ZMYND8: variants seen among roughly 807,000 people sequenced by gnomAD.
The protein encoded by ZMYND8 is zinc finger MYND-type containing 8.
In ZMYND8, 37 loss-of-function variants were observed where a neutral mutation model predicts 140.8. That is an observed-to-expected ratio of 0.26 (90% CI 0.20 to 0.35). ZMYND8 has a LOEUF of 0.35. ZMYND8 is among the 10% of genes least tolerant of loss of function. The pLI is 1.00. For missense variants in ZMYND8, 1,068 were observed against 1,570.0 expected (o/e 0.68, Z 5.40); for synonymous variants, 592 against 597.1 (o/e 0.99, Z 0.12).
At chr20:47,240,933 G>A (rs944879763) in intron 14 of ZMYND8, among the ~76,000 whole-genome samples, 1 of 152,072 alleles carries the variant, frequency 6.6e-6, no homozygotes, top group Non-Finnish European at 1.5e-5. Context: ...TCAGCCTCCC[G>A]AATAGCTGGG....
At chr20:47,258,855 T>C (rs1210472862) in intron 12 of ZMYND8, among the ~76,000 whole-genome samples, 1 of 152,112 alleles carries the variant, frequency 6.6e-6, no homozygotes, top group African/African-American at 2.4e-5. Context: ...TAGCTGATCC[T>C]CTTCCCGTTA....
intron 14 of ZMYND8, among the ~76,000 whole-genome samples, chr20:47,240,800 C>T (rs1489282281): frequency 2.6e-5 from 4 of 151,526 alleles, no homozygotes; most frequent in East Asian, 2.1e-4. Flanking sequence ...ATGATCCATC[C>T]GCCTTGGCCT....
intron 3 of ZMYND8, among the ~76,000 whole-genome samples, chr20:47,306,025 G>A (rs1247714081): frequency 6.6e-6 from 1 of 152,082 alleles, no homozygotes; most frequent in East Asian, 1.9e-4. Flanking sequence ...TGGACCAAAG[G>A]TCTTTTAAAA....
chr20:47,321,987 A>G (rs1273589058), intron 2 of ZMYND8, among the ~76,000 whole-genome samples: 1 of 151,350 alleles, frequency 6.6e-6, no homozygotes, highest in Non-Finnish European at 1.5e-5. Flanking sequence ...CAGCCTCCCA[A>G]GTAGCTAGGA....
intron 11 of ZMYND8, among the ~76,000 whole-genome samples, chr20:47,275,124 C>G (rs2076180693): frequency 6.6e-6 from 1 of 152,182 alleles, no homozygotes; most frequent in Non-Finnish European, 1.5e-5. Context: ...TCCAAGACAT[C>G]TTAAACTGAC....
chr20:47,322,520 G>A lies in ZMYND8; in HGVS notation c.86-12316C>T, dbSNP rs1015398904. Among the ~76,000 whole-genome samples, 4 of 146,302 alleles carry A rather than the reference G, an allele frequency of 2.7e-5. No homozygotes were observed. The South Asian group carries it at 8.6e-4, about 31-fold the overall frequency. On this transcript the variant is annotated intron_variant, in intron 2 of 22. Coordinates refer to ENST00000471951, the MANE Select transcript of ZMYND8 (RefSeq NM_001281775.3). The stretch of plus-strand genomic sequence containing the variant: ...CAGTGGCGCGATCTTGGCTCACTGC[G>A]ACCTCCGCCTCCTGGGTTCAAGTGA...
At chr20:47,274,374 A>C (rs2076134967) in intron 11 of ZMYND8, among the ~76,000 whole-genome samples, 1 of 152,244 alleles carries the variant, frequency 6.6e-6, no homozygotes, top group Admixed American at 6.5e-5. Context: ...GTATGTAATA[A>C]AATACGGCAG....
chr20:47,284,789 G>A (rs752582137), intron 8 of ZMYND8, among the ~76,000 whole-genome samples: 1 of 152,062 alleles, frequency 6.6e-6, no homozygotes, highest in Non-Finnish European at 1.5e-5. Flanking sequence ...TAGAGCCAAA[G>A]ATCCCAGAAG....
In ZMYND8 at chr20:47,290,227, A is replaced by G; in HGVS notation, c.708T>C (p.Asp236=). Residue 236 remains aspartate, a synonymous_variant, in exon 7 of 23, where the codon GAT becomes GAC. Transcript: ENST00000471951. The part of the protein sequence containing the change: ...MYGCTEAFLA[D]AKWILHNCII... ...TGCAGTTGTGCAAAATCCACTTTGCATCAGCCAGGAAGGCTTCTGTGCAGC... is the reference window on the plus strand; with the variant it reads ...TGCAGTTGTGCAAAATCCACTTTGCGTCAGCCAGGAAGGCTTCTGTGCAGC... 7 of 1,613,632 alleles carry G rather than the reference A, an allele frequency of 4.3e-6. No individual in the cohort carries two copies. The highest frequency in any genetic ancestry group is 1.3e-5 in the African/African-American group (1 of 75,050).
At chr20:47,330,747 C>T (rs958654607) in intron 2 of ZMYND8, among the ~76,000 whole-genome samples, 1 of 152,206 alleles carries the variant, frequency 6.6e-6, no homozygotes, top group African/African-American at 2.4e-5. Context: ...ATGCTGAAAA[C>T]AAAGCCATCC....
At chr20:47,221,061 T>C (rs1263571952) in intron 20 of ZMYND8, among the ~76,000 whole-genome samples, 1 of 152,148 alleles carries the variant, frequency 6.6e-6, no homozygotes, top group East Asian at 1.9e-4. Context: ...ATTTCCATCA[T>C]CGCAGAAAGT....
intron 2 of ZMYND8, among the ~76,000 whole-genome samples, chr20:47,332,958 C>T (rs1243160346): frequency 1.3e-5 from 2 of 152,178 alleles, no homozygotes; most frequent in Non-Finnish European, 2.9e-5. Flanking sequence ...CCATCCAATG[C>T]AGCATTATTC....
rs1325444448 is a variant in ZMYND8 at position 47,209,820 on chromosome 20, ATAATACG to A, written c.*934_*940del. 3.9e-5 allele frequency: 6 copies of A among 152,622 alleles called. No individual in the cohort carries two copies. In the East Asian group the frequency reaches 1.2e-3, roughly 29 times the overall value. The allele number at this position is 152,622 out of a possible 1,614,324, so 9.5% of individuals were successfully genotyped here. On this transcript the variant is annotated 3_prime_UTR_variant, in exon 23 of 23. Coordinates refer to ENST00000471951, the MANE Select transcript of ZMYND8 (RefSeq NM_001281775.3). ...AAAAACGTGAAATTCCATCATATAA[ATAATACG>A]TACATGCTTCATCCCAGACTCAAAC... is the stretch of plus-strand genomic sequence containing the variant.
intron 2 of ZMYND8, among the ~76,000 whole-genome samples, chr20:47,338,964 A>G (rs972405938): frequency 6.7e-6 from 1 of 149,488 alleles, no homozygotes; most frequent in Non-Finnish European, 1.5e-5. Context: ...ACCCTACACA[A>G]TTATTTCTTT....
At chr20:47,274,863 A>T (rs948201163) in intron 11 of ZMYND8, among the ~76,000 whole-genome samples, 6 of 152,216 alleles carry the variant, frequency 3.9e-5, no homozygotes, top group African/African-American at 1.4e-4. Context: ...AAGAAACAAC[A>T]CAAGCAAAGT....
intron 14 of ZMYND8, among the ~76,000 whole-genome samples, chr20:47,241,605 C>T (rs530479567): frequency 1.3e-5 from 2 of 151,906 alleles, no homozygotes; most frequent in African/African-American, 4.8e-5. Flanking sequence ...CTGAGCAGCA[C>T]GTAGAGGCGA....
intron 14 of ZMYND8, among the ~76,000 whole-genome samples, chr20:47,240,763 C>T (rs1352640622): frequency 1.3e-5 from 2 of 151,236 alleles, no homozygotes; most frequent in Non-Finnish European, 2.9e-5. Context: ...GCCATCTTGC[C>T]CAGGCTGGTC....
chr20:47,345,531 G>A (rs1282149085), intron 2 of ZMYND8, among the ~76,000 whole-genome samples: 1 of 148,614 alleles, frequency 6.7e-6, no homozygotes, highest in African/African-American at 2.5e-5. Context: ...TTTTTAAGAC[G>A]GAGTCTCGCT....
chr20:47,262,268 T>C lies in ZMYND8; in HGVS notation c.1621+20A>G. 1 of 1,614,074 alleles carries C rather than the reference T, an allele frequency of 6.2e-7. No homozygotes were observed. Among genetic ancestry groups the C allele is most frequent in the South Asian group, 1.1e-5 (1 of 91,080 alleles). Reference sequence around the variant, plus strand: ...ATCCACAGTTGCCACAGAAAGATACTGGCAAAAATTCTGACTGACCCAGGT... The same window carrying C: ...ATCCACAGTTGCCACAGAAAGATACCGGCAAAAATTCTGACTGACCCAGGT... On this transcript the variant is annotated intron_variant, in intron 12 of 22. Transcript: ENST00000471951.
Sources: gnomAD v4.1 joint callset for allele counts (sites outside exome capture counted in the v4.1 genomes callset) on GRCh38, gnomAD v4.1.1 for gene constraint, MANE v1.5 for transcripts, NCBI Gene and HGNC (gene_info 2026-07-23, HGNC 2026-07-21) for gene names.